Variants in NRXN3 observed in about 807,000 individuals in gnomAD.
NRXN3 encodes neurexin III.
In NRXN3, 32 loss-of-function variants were observed where a neutral mutation model predicts 137.6. The observed-to-expected ratio is 0.23, with a 90% CI of 0.18 to 0.31. NRXN3 has a LOEUF of 0.31. Ranked by LOEUF, NRXN3 falls within the 10% of genes least tolerant of loss-of-function variation. The pLI, the probability that NRXN3 is intolerant of heterozygous loss-of-function variation, is 1.00. For synonymous variants in NRXN3, 798 were observed against 784.5 expected, an observed-to-expected ratio of 1.02 and a Z score of -0.29; for missense variants, 1,574 against 2,062.5, an observed-to-expected ratio of 0.76 and a Z score of 4.59.
chr14:79,712,975 A>G (rs1262828217), intron 19 of NRXN3, among the ~76,000 whole-genome samples: 1 of 152,104 alleles, frequency 6.6e-6, no homozygotes, highest in African/African-American at 2.4e-5. Context: ...TCATTGAGAC[A>G]TTGCTCATCT....
At chr14:78,287,984 C>T (rs543868248) in intron 3 of NRXN3, among the ~76,000 whole-genome samples, 1 of 151,998 alleles carries the variant, frequency 6.6e-6, no homozygotes, top group East Asian at 1.9e-4. Context: ...TCAGGACTCC[C>T]CCTTTTTTTT....
intron 16 of NRXN3, among the ~76,000 whole-genome samples, chr14:79,483,099 T>C (rs781402422): frequency 6.6e-6 from 1 of 152,232 alleles, no homozygotes; most frequent in Non-Finnish European, 1.5e-5. Flanking sequence ...GAAGTCTTTT[T>C]ATTTTGTTTC....
intron 14 of NRXN3, among the ~76,000 whole-genome samples, chr14:78,977,473 G>A (rs940396105): frequency 1.3e-5 from 2 of 152,054 alleles, no homozygotes; most frequent in African/African-American, 4.8e-5. Flanking sequence ...ACAAGGAAAA[G>A]CAGACAGACT....
chr14:78,800,175 C>A (rs2098834348), intron 8 of NRXN3, among the ~76,000 whole-genome samples: 1 of 152,126 alleles, frequency 6.6e-6, no homozygotes, highest in Non-Finnish European at 1.5e-5. Context: ...GTGCTCCAGG[C>A]ATAGCTCTAT....
At chr14:78,171,118 A>G (rs1336417236) in intron 1 of NRXN3, among the ~76,000 whole-genome samples, 1 of 151,906 alleles carries the variant, frequency 6.6e-6, no homozygotes. Context: ...TAAAATGAGA[A>G]ACAGAAAGGA....
intron 10 of NRXN3, among the ~76,000 whole-genome samples, chr14:78,884,167 C>T (rs1373510581): frequency 1.3e-5 from 2 of 152,128 alleles, no homozygotes; most frequent in African/African-American, 2.4e-5. Flanking sequence ...GTTTGAATCC[C>T]AGAACAAATC....
chr14:79,542,898 A>T (rs992023577), intron 16 of NRXN3, among the ~76,000 whole-genome samples: 1 of 152,122 alleles, frequency 6.6e-6, no homozygotes, highest in Non-Finnish European at 1.5e-5. Flanking sequence ...CAAGAAAAAA[A>T]AAAAGTAAAG....
intron 17 of NRXN3, among the ~76,000 whole-genome samples, chr14:79,670,157 G>A (rs1365377070): frequency 6.6e-6 from 1 of 152,048 alleles, no homozygotes; most frequent in Admixed American, 6.6e-5. Context: ...TTAGAGGCTA[G>A]TATTAGCCAG....
intron 6 of NRXN3, among the ~76,000 whole-genome samples, chr14:78,689,818 C>CTCTCTT (rs1222578879): frequency 1.3e-5 from 2 of 151,122 alleles, no homozygotes; most frequent in African/African-American, 4.9e-5. Context: ...CTTGGTCTCA[C>CTCTCTT]TCTCTTTCTC....
Position 78,590,320 on chromosome 14 carries a change from A to G in NRXN3, c.758-54800A>G, listed in dbSNP as rs149627865. Among the ~76,000 whole-genome samples, 870 of 152,332 alleles carry G rather than the reference A, an allele frequency of 5.7e-3. 6 individuals are homozygous for G. The highest frequency in any genetic ancestry group is 0.02 in the African/African-American group (830 of 41,588). ...TCGTGATCCCATTCCCCTTACCTGT[A>G]CAATGCAGGGGTGAGACTCAATCCT... On this transcript the variant is annotated intron_variant, in intron 4 of 20. Transcript: ENST00000335750.
intron 1 of NRXN3, among the ~76,000 whole-genome samples, chr14:78,187,858 C>G (rs1023198402): frequency 4.0e-5 from 6 of 148,650 alleles, no homozygotes; most frequent in Admixed American, 6.8e-5. Context: ...CATCAGATAG[C>G]TGAGTGGAAT....
intron 15 of NRXN3, among the ~76,000 whole-genome samples, chr14:79,245,641 A>T (rs549152727): frequency 6.6e-6 from 1 of 152,202 alleles, no homozygotes; most frequent in African/African-American, 2.4e-5. Context: ...TGCCTGGAAC[A>T]TAATAAATCC....
At chr14:79,514,886 G>A (rs560329424) in intron 16 of NRXN3, among the ~76,000 whole-genome samples, 5 of 141,666 alleles carry the variant, frequency 3.5e-5, no homozygotes, top group East Asian at 1.9e-4. Flanking sequence ...TTCTCTCACC[G>A]ATTCTGTCTA....
At chr14:79,118,940 C>G (rs935937468) in intron 15 of NRXN3, among the ~76,000 whole-genome samples, 1 of 152,144 alleles carries the variant, frequency 6.6e-6, no homozygotes, top group African/African-American at 2.4e-5. Context: ...TTAGCGGATT[C>G]TTTCTTTTCT....
chr14:78,493,447 T>G (rs1004212197), intron 4 of NRXN3, among the ~76,000 whole-genome samples: 4 of 151,384 alleles, frequency 2.6e-5, no homozygotes, highest in Non-Finnish European at 4.4e-5. Flanking sequence ...CACTTGAACC[T>G]GGGAGGCAGA....
At chr14:78,905,425 A>G (rs1306654508) in intron 10 of NRXN3, among the ~76,000 whole-genome samples, 1 of 152,028 alleles carries the variant, frequency 6.6e-6, no homozygotes, top group Non-Finnish European at 1.5e-5. Flanking sequence ...TAACTAATAC[A>G]TTTTCATTTT....
At chr14:79,248,075 C>A (rs909484668) in intron 15 of NRXN3, among the ~76,000 whole-genome samples, 1 of 152,170 alleles carries the variant, frequency 6.6e-6, no homozygotes, top group Non-Finnish European at 1.5e-5. Context: ...CTCAAGTGAT[C>A]ATTTTGCCTT....
At chr14:78,942,611 G>A (rs989639540) in intron 10 of NRXN3, among the ~76,000 whole-genome samples, 3 of 152,086 alleles carry the variant, frequency 2.0e-5, no homozygotes, top group African/African-American at 7.2e-5. Flanking sequence ...GGATACTAGA[G>A]GCTGAAAACA....
intron 10 of NRXN3, among the ~76,000 whole-genome samples, chr14:78,914,161 A>G (rs1353547172): frequency 6.6e-6 from 1 of 152,154 alleles, no homozygotes; most frequent in Non-Finnish European, 1.5e-5. Flanking sequence ...CCAACACCTC[A>G]TTTATTAGTC....
Sources: allele counts gnomAD v4.1 joint callset (sites outside exome capture counted in the v4.1 genomes callset), GRCh38; gene constraint gnomAD v4.1.1; transcripts MANE v1.5; gene names NCBI Gene and HGNC (gene_info 2026-07-23, HGNC 2026-07-21).